The following STK4 variants were observed in gnomAD, a reference collection of about 807,000 sequenced individuals.
The protein encoded by STK4 is serine/threonine-protein kinase 4.
In STK4, 30 loss-of-function variants were observed where a neutral mutation model predicts 64.9. The ratio of observed to expected loss-of-function variants is 0.46; its 90% confidence interval spans 0.35 to 0.63. The LOEUF is 0.63. Among genes scored for constraint, STK4 ranks in the 20% least tolerant of loss-of-function variants. The probability of loss-of-function intolerance (pLI) is 0.01; values close to 1 mark genes in which losing one functional copy is unlikely to be tolerated. For synonymous variants in STK4, 177 were observed against 199.0 expected, an observed-to-expected ratio of 0.89 and a Z score of 0.93; for missense variants, 466 against 598.5, an observed-to-expected ratio of 0.78 and a Z score of 2.31.
chr20:45,036,344 A>G (rs911915334), intron 10 of STK4, among the ~76,000 whole-genome samples: 1 of 152,134 alleles, frequency 6.6e-6, no homozygotes, highest in Non-Finnish European at 1.5e-5. Flanking sequence ...ATGGCGCATC[A>G]TCCCGCCTGG....
rs377099446 is a variant in STK4 at position 45,038,688 on chromosome 20, A to C, written c.1305+13558A>C. On this transcript the variant is annotated intron_variant, in intron 10 of 10. Coordinates refer to ENST00000372806, the MANE Select transcript of STK4 (RefSeq NM_006282.5). ...TTTATCTAGAACAGAGGTCCTCAGG[A>C]CCGCTTCATACTTATAAACATTATT... Among the ~76,000 whole-genome samples, 8 of 152,144 alleles carry C rather than the reference A, an allele frequency of 5.3e-5. 1 individual carries two copies. Among genetic ancestry groups the C allele is most frequent in the East Asian group, 1.9e-4 (1 of 5,178 alleles).
chr20:44,988,523 A>ATGTG (rs371237761), intron 5 of STK4, among the ~76,000 whole-genome samples: 157 of 108,580 alleles, frequency 1.4e-3, no homozygotes, highest in African/African-American at 5.7e-3. Flanking sequence ...GTGTATATAT[A>ATGTG]TGTGTGTGTG....
intron 5 of STK4, among the ~76,000 whole-genome samples, chr20:44,993,074 G>T (rs1158514492): frequency 6.6e-6 from 1 of 151,452 alleles, no homozygotes; most frequent in Non-Finnish European, 1.5e-5. Context: ...ACTTATTTTG[G>T]TGAAAGTATA....
intron 9 of STK4, among the ~76,000 whole-genome samples, chr20:45,006,475 T>C (rs2067947792): frequency 6.6e-6 from 1 of 152,146 alleles, no homozygotes; most frequent in South Asian, 2.1e-4. Flanking sequence ...CAGATCCTGC[T>C]ATTATTTTGT....
chr20:44,997,033 G>A (rs1014149779), intron 6 of STK4, 136 bp from the exon 7 acceptor site: 1 of 1,234,130 alleles, frequency 8.1e-7, no homozygotes, highest in Non-Finnish European at 1.1e-6. Flanking sequence ...GACTTTTGTT[G>A]GAATTTGGGT....
chr20:45,049,034 G>T (rs2068738496), intron 10 of STK4, among the ~76,000 whole-genome samples: 1 of 151,538 alleles, frequency 6.6e-6, no homozygotes. Context: ...TGGTACATTT[G>T]TTAATGTAAA....
chr20:44,970,385 C>T lies in STK4; in HGVS notation c.36-1693C>T, dbSNP rs569096835. On this transcript the variant is annotated intron_variant, in intron 1 of 10. Transcript: ENST00000372806. ...CATTTTGTAAACCACAGAGAGTCAA[C>T]ACTTCAAAGAAACATACTTGATCTT... is the stretch of plus-strand genomic sequence containing the variant. Among the ~76,000 whole-genome samples the T allele has an allele frequency of 2.6e-4, 39 of 152,216 alleles. No homozygotes were observed. In the South Asian group the frequency reaches 8.1e-3, roughly 32 times the overall value.
chr20:45,039,292 A>C (rs531346882), intron 10 of STK4, among the ~76,000 whole-genome samples: 30 of 152,218 alleles, frequency 2.0e-4, no homozygotes, highest in African/African-American at 7.2e-4. Context: ...GATCTTCTAA[A>C]TGTTGGCACA....
At chr20:45,060,628 C>G (rs1287459796) in intron 10 of STK4, among the ~76,000 whole-genome samples, 1 of 152,202 alleles carries the variant, frequency 6.6e-6, no homozygotes, top group Non-Finnish European at 1.5e-5. Flanking sequence ...CTATATCTCT[C>G]TAAGCCTCCA....
intron 10 of STK4, among the ~76,000 whole-genome samples, chr20:45,067,142 T>C (rs1383165110): frequency 2.6e-5 from 4 of 152,160 alleles, no homozygotes; most frequent in Non-Finnish European, 5.9e-5. Context: ...TTCCGGACTT[T>C]CTAGTGGCCA....
rs1233389696 is a variant in STK4, at chr20:45,075,498, A to C, written c.*322A>C. ...CATTGTCTGTTTTTCTTCTCCCAAT[A>C]GCTTTCAATTGTTCTTTCTGGAAGA... On this transcript the variant is annotated 3_prime_UTR_variant, in exon 11 of 11. Coordinates refer to ENST00000372806, the MANE Select transcript of STK4 (RefSeq NM_006282.5). The C allele has an allele frequency of 1.6e-5, 3 of 183,582 alleles. No homozygotes were observed. The highest frequency in any genetic ancestry group is 7.1e-5 in the African/African-American group (3 of 42,492). 11.4% of individuals were successfully genotyped at this position (183,582 alleles called of 1,614,324 possible).
At chr20:45,032,241 G>A (rs1439517439) in intron 10 of STK4, among the ~76,000 whole-genome samples, 1 of 151,568 alleles carries the variant, frequency 6.6e-6, no homozygotes, top group East Asian at 1.9e-4. Context: ...TAAAAACATG[G>A]AATATTTGTA....
At chr20:45,062,843 A>ATT (rs35335969) in intron 10 of STK4, among the ~76,000 whole-genome samples, 159 of 106,322 alleles carry the variant, frequency 1.5e-3, no homozygotes, top group East Asian at 6.4e-3. Context: ...ACGCCCGGCT[A>ATT]TTTTTTTTTT....
chr20:45,033,492 G>A (rs1387908624), intron 10 of STK4, among the ~76,000 whole-genome samples: 1 of 152,070 alleles, frequency 6.6e-6, no homozygotes, highest in Non-Finnish European at 1.5e-5. Context: ...TTTTGCATAT[G>A]GCTAGCCAGT....
chr20:45,065,951 T>C lies in STK4; in HGVS notation c.1306-9067T>C, dbSNP rs185531872. Among the ~76,000 whole-genome samples the C allele has an allele frequency of 1.9e-3, 286 of 152,188 alleles. 1 individual carries two copies. The highest frequency in any genetic ancestry group is 4.8e-3 in the Admixed American group (73 of 15,268). ...GCTTTTCTTTCTCTAGTTCCTCTAGTTTATATGAGTAACCCTTATTTTACT... is the reference window on the plus strand; with the variant it reads ...GCTTTTCTTTCTCTAGTTCCTCTAGCTTATATGAGTAACCCTTATTTTACT... On this transcript the variant is annotated intron_variant, in intron 10 of 10. Transcript: ENST00000372806.
chr20:45,027,241 C>G (rs1470749558), intron 10 of STK4, among the ~76,000 whole-genome samples: 1 of 151,966 alleles, frequency 6.6e-6, no homozygotes, highest in Non-Finnish European at 1.5e-5. Context: ...CTAGCCTGAC[C>G]AACACAGAGA....
At chr20:45,003,304 A>G (rs555132645) in intron 9 of STK4, among the ~76,000 whole-genome samples, 1 of 152,252 alleles carries the variant, frequency 6.6e-6, no homozygotes, top group African/African-American at 2.4e-5. Flanking sequence ...TCCTGGCCTG[A>G]TTTAATATTT....
chr20:44,996,059 T>C (rs1456583354), intron 6 of STK4, among the ~76,000 whole-genome samples: 2 of 152,194 alleles, frequency 1.3e-5, no homozygotes, highest in Non-Finnish European at 2.9e-5. Context: ...GCAAACTGTA[T>C]TTTTGAACTC....
At chr20:45,008,333 G>A (rs6065772) in intron 9 of STK4, among the ~76,000 whole-genome samples, 18,915 of 152,236 alleles carry the variant, frequency 0.12, 1,543 homozygotes, top group East Asian at 0.22. Context: ...GGGATTACAG[G>A]CGTTAGCCAC....
Sources: gnomAD v4.1 joint callset for allele counts (sites outside exome capture counted in the v4.1 genomes callset) on GRCh38, gnomAD v4.1.1 for gene constraint, MANE v1.5 for transcripts, NCBI Gene and HGNC (gene_info 2026-07-23, HGNC 2026-07-21) for gene names.